Variants in DMPK observed in about 807,000 individuals in gnomAD.
DMPK encodes DM1 protein kinase.
A neutral mutation model predicts 70.3 loss-of-function variants in DMPK; 32 were observed. The observed-to-expected ratio is 0.46, with a 90% confidence interval of 0.34 to 0.61. The LOEUF (loss-of-function observed/expected upper bound fraction) is 0.61, where lower values mean the gene tolerates loss of function less well. Ranked by LOEUF, DMPK falls within the 20% of genes least tolerant of loss-of-function variation. The pLI is 0.01. For synonymous variants in DMPK, 469 were observed against 390.9 expected (o/e 1.20, Z -2.36); for missense variants, 899 against 886.0 (o/e 1.01, Z -0.19).
chr19:45,770,660 T>G lies in DMPK; in HGVS notation c.1738-20A>C, dbSNP rs1303345334. 6.5e-7 allele frequency: 1 copy of G among 1,548,642 alleles called. No homozygotes were observed. Among genetic ancestry groups the G allele is most frequent in the Non-Finnish European group, 8.7e-7 (1 of 1,145,716 alleles). ...AGGGACCTGCGGGGAGAGGGCGAGG[T>G]CAACACCCGGCATGGGCCTCTGATT... is the stretch of plus-strand genomic sequence containing the variant. On this transcript the variant is annotated intron_variant, in intron 14 of 14. Coordinates refer to ENST00000291270, the MANE Select transcript of DMPK (RefSeq NM_004409.5).
chr19:45,779,674 C>T, intron 2 of DMPK, 104 bp downstream of exon 2: 2 of 1,544,842 alleles, frequency 1.3e-6, no homozygotes, highest in Non-Finnish European at 1.7e-6. Context: ...CAGCCCAGCC[C>T]TAGGTTCTAA....
rs773315981 is a variant in DMPK, at chr19:45,771,372, C to T, written c.1625G>A (p.Arg542Gln). The T allele has an allele frequency of 4.4e-5, 71 of 1,602,836 alleles. No individual in the cohort carries two copies. The highest frequency in any genetic ancestry group is 5.5e-5 in the Non-Finnish European group (65 of 1,176,506). Residue 542 changes from arginine to glutamine, a missense_variant, in exon 13 of 15, where the codon CGG (arginine) becomes CAG (glutamine). Around this residue, in one of 3 missense-constraint regions of DMPK, gnomAD observed 555 missense variants for 483.8 expected, o/e 1.15. Transcript: ENST00000291270. ...TACATGGGAAGGTGGATCCGTGGCC[C>T]GGGGACTGGGGACCCCCGTGACAGC... ...ATAVTGVPSP[R>Q]ATDPPSHLDG...
At position 45,772,737 on chromosome 19, in the gene DMPK, T is replaced by C. The variant is rs1969541420; in HGVS notation, c.1248A>G (p.Pro416=). The part of the protein sequence containing the change: ...SCMALRDSEV[P]GPTPMELEAE... ...CCTCCAGTTCCATGGGTGTGGGGCC[T>C]GGGACCTCACTGTCCCTGGGGAGAG... Residue 416 remains proline, a synonymous_variant, in exon 10 of 15, where the codon CCA becomes CCG. Coordinates refer to ENST00000291270, the MANE Select transcript of DMPK (RefSeq NM_004409.5). The C allele has an allele frequency of 1.3e-6, 2 of 1,501,814 alleles. No homozygotes were observed. The highest frequency in any genetic ancestry group is 1.8e-6 in the Non-Finnish European group (2 of 1,135,894). 93.0% of individuals were successfully genotyped at this position (1,501,814 alleles called of 1,614,324 possible). A position where few individuals can be genotyped will look rare whatever the true frequency, so the allele number is the denominator to read the frequency against.
chr19:45,770,445 C>CA lies in DMPK; in HGVS notation c.*42dup, dbSNP rs1491215528. ...GCTTCTGTGCCGTGCCCCGGGCACT[C>CA]AGTCTTCCAACGGGGCCCCGGAGTC... is the stretch of plus-strand genomic sequence containing the variant. On this transcript the variant is annotated 3_prime_UTR_variant, in exon 15 of 15. Transcript: ENST00000291270. The CA allele has an allele frequency of 7.1e-5, 110 of 1,547,776 alleles. No homozygotes were observed. Among genetic ancestry groups the CA allele is most frequent in the Non-Finnish European group, 9.0e-5 (103 of 1,145,954 alleles).
In DMPK at chr19:45,779,252, C is replaced by T. The variant is rs758041683; in HGVS notation, c.432+12G>A. The T allele has an allele frequency of 3.1e-6, 5 of 1,613,468 alleles. No homozygotes were observed. The African/African-American group carries it at 6.7e-5, about 22-fold the overall frequency. ...TTGTCCCTCTTCCTAGTCACCCCGGCCCGGAGCTCACCAGGTAGTTCTCAT... is the reference window on the plus strand; with the variant it reads ...TTGTCCCTCTTCCTAGTCACCCCGGTCCGGAGCTCACCAGGTAGTTCTCAT... On this transcript the variant is annotated intron_variant, in intron 4 of 14. Transcript: ENST00000291270.
At position 45,780,425 on chromosome 19, in the gene DMPK, C is replaced by T. The variant is rs758981137; in HGVS notation, c.161-556G>A. 12 of 1,349,106 alleles carry T rather than the reference C, an allele frequency of 8.9e-6. No homozygotes were observed. The Admixed American group carries it at 2.1e-4, about 24-fold the overall frequency. The allele number at this position is 1,349,106 out of a possible 1,614,324, so 83.6% of individuals were successfully genotyped here. A position where few individuals can be genotyped will look rare whatever the true frequency, so the allele number is the denominator to read the frequency against. ...CAGGGAGACAAAGGTAGCATGGTCA[C>T]ATATCCCAGACTCAAGTGCTCCGGT... is the stretch of plus-strand genomic sequence containing the variant. On this transcript the variant is annotated intron_variant, in intron 1 of 14. Transcript: ENST00000291270.
chr19:45,770,405 C>A lies in DMPK; in HGVS notation c.*83G>T, dbSNP rs1346616361. 3.4e-5 allele frequency: 51 copies of A among 1,495,596 alleles called. No homozygotes were observed. The highest frequency in any genetic ancestry group is 4.0e-5 in the Non-Finnish European group (44 of 1,099,444). 92.6% of individuals were successfully genotyped at this position (1,495,596 alleles called of 1,614,324 possible). A position where few individuals can be genotyped will look rare whatever the true frequency, so the allele number is the denominator to read the frequency against. On this transcript the variant is annotated 3_prime_UTR_variant, in exon 15 of 15. Coordinates refer to ENST00000291270, the MANE Select transcript of DMPK (RefSeq NM_004409.5). ...CACGCTCGGAGCGGTTGTGAACTGG[C>A]AGGCGGTGGGCGCGGCTTCTGTGCC...
At position 45,770,433 on chromosome 19, in the gene DMPK, G is replaced by A. The variant is rs980921295; in HGVS notation, c.*55C>T. ...GCGGTGGGCGCGGCTTCTGTGCCGT[G>A]CCCCGGGCACTCAGTCTTCCAACGG... On this transcript the variant is annotated 3_prime_UTR_variant, in exon 15 of 15. Transcript: ENST00000291270. 3.2e-6 allele frequency: 5 copies of A among 1,541,932 alleles called. No individual in the cohort carries two copies. In the Admixed American group the frequency reaches 7.8e-5, roughly 24 times the overall value.
Position 45,777,034 on chromosome 19 carries a change from C to A in DMPK, c.1146+293G>T. 1 of 368,332 alleles carries A rather than the reference C, an allele frequency of 2.7e-6. No individual in the cohort carries two copies. The highest frequency in any genetic ancestry group is 4.2e-5 in the Admixed American group (1 of 23,792). The allele number at this position is 368,332 out of a possible 1,614,324, so 22.8% of individuals were successfully genotyped here. Reference sequence around the variant, plus strand: ...GTCTCAGCTCAGATAGCTCCCCACTCCAGAAAGCCCTCCAGGACCTTCCTT... The same window carrying A: ...GTCTCAGCTCAGATAGCTCCCCACTACAGAAAGCCCTCCAGGACCTTCCTT... On this transcript the variant is annotated intron_variant, in intron 8 of 14. Coordinates refer to ENST00000291270, the MANE Select transcript of DMPK (RefSeq NM_004409.5). The surrounding 1 kb of genome is among the most constrained non-coding windows in gnomAD (Gnocchi z 6.7).
chr19:45,779,665 A>G, intron 2 of DMPK, 113 bp downstream of exon 2: 2 of 1,550,338 alleles, frequency 1.3e-6, no homozygotes, highest in Non-Finnish European at 1.7e-6. Context: ...CCCCGCCTCC[A>G]GCCCAGCCCT....
At chr19:45,774,245 C>T (rs1001277241) in intron 9 of DMPK, among the ~76,000 whole-genome samples, 41 of 150,034 alleles carry the variant, frequency 2.7e-4, no homozygotes, top group African/African-American at 9.1e-4. Flanking sequence ...AGCCACCACA[C>T]CCGGCCTAAA....
chr19:45,782,411 C>T lies in DMPK; in HGVS notation c.-59G>A. On this transcript the variant is annotated 5_prime_UTR_variant, in exon 1 of 15. The change creates a new upstream start codon in the 5' untranslated region. Transcript: ENST00000291270. Reference sequence around the variant, plus strand: ...CCGGGGGCTCGGGGTCCTCCTGTCACAGGGCCTGGCAGCCCCTGTCCAGGC... The same window carrying T: ...CCGGGGGCTCGGGGTCCTCCTGTCATAGGGCCTGGCAGCCCCTGTCCAGGC... 6.8e-7 allele frequency: 1 copy of T among 1,468,272 alleles called. No homozygotes were observed. Among genetic ancestry groups the T allele is most frequent in the Non-Finnish European group, 9.0e-7 (1 of 1,111,348 alleles). 91.0% of individuals were successfully genotyped at this position (1,468,272 alleles called of 1,614,324 possible).
rs535793935 is a variant in DMPK at position 45,774,778 on chromosome 19, A to T, written c.1232+171T>A. Among the ~76,000 whole-genome samples the T allele has an allele frequency of 2.0e-5, 3 of 152,352 alleles. No individual in the cohort carries two copies. In the East Asian group the frequency reaches 5.8e-4, roughly 29 times the overall value. On this transcript the variant is annotated intron_variant, in intron 9 of 14. Transcript: ENST00000291270. ...AAAATTCAATCTAACATTTTGAAGT[A>T]CATAGATCTGAAAATTTAAGGTCCT...
chr19:45,779,991 G>A, intron 1 of DMPK, 122 bp from the exon 2 acceptor site: 4 of 1,563,420 alleles, frequency 2.6e-6, no homozygotes, highest in South Asian at 1.2e-5. Flanking sequence ...CCCTAGGACT[G>A]TCTGCTTCCC....
intron 5 of DMPK, 57 bp from the exon 6 acceptor site, chr19:45,778,277 C>A: frequency 6.5e-7 from 1 of 1,527,094 alleles, no homozygotes; most frequent in Admixed American, 1.8e-5. Context: ...GTGGTCCCAC[C>A]AGGCTCCGCC....
Position 45,777,894 on chromosome 19 carries a change from C to A in DMPK, c.676-21G>T. 1 of 1,592,486 alleles carries A rather than the reference C, an allele frequency of 6.3e-7. No individual in the cohort carries two copies. Among genetic ancestry groups the A allele is most frequent in the Non-Finnish European group, 8.5e-7 (1 of 1,172,222 alleles). ...CGCACCTGGACCAAAAGGAGCAGAG[C>A]GAGGCTTGGGCCCACCCCTCTGGGC... is the stretch of plus-strand genomic sequence containing the variant. On this transcript the variant is annotated intron_variant, in intron 6 of 14. Coordinates refer to ENST00000291270, the MANE Select transcript of DMPK (RefSeq NM_004409.5). The surrounding 1 kb of genome is among the most constrained non-coding windows in gnomAD (Gnocchi z 6.7).
chr19:45,779,862 G>A lies in DMPK; in HGVS notation c.168C>T (p.Pro56=). 2 of 1,612,962 alleles carry A rather than the reference G, an allele frequency of 1.2e-6. No individual in the cohort carries two copies. Among genetic ancestry groups the A allele is most frequent in the African/African-American group, 2.7e-5 (2 of 75,044 alleles). Residue 56 remains proline, a synonymous_variant, in exon 2 of 15, where the codon CCC becomes CCT. Transcript: ENST00000291270. ...YVADFLQWAE[P]IVVRLKEVRL... ...GGACCTCCTTAAGCCTCACCACGAT[G>A]GGCTCCGCTGGGGGGGTGGTGGGGG...
rs540487664 is a variant in DMPK, at chr19:45,778,698, G to C, written c.433-57C>G. On this transcript the variant is annotated intron_variant, in intron 4 of 14. Coordinates refer to ENST00000291270, the MANE Select transcript of DMPK (RefSeq NM_004409.5). ...GTCCCCTGAGGCCCTGATCCATCAC[G>C]GATGGCTGGGACAACCCCTCCCAGA... 9.0e-6 allele frequency: 14 copies of C among 1,561,648 alleles called. No individual in the cohort carries two copies. The South Asian group carries it at 1.5e-4, about 17-fold the overall frequency.
chr19:45,780,109 A>G, intron 1 of DMPK: 1 of 1,461,612 alleles, frequency 6.8e-7, no homozygotes. Context: ...ATTGGCCCAG[A>G]GGGCTCCAAG....
Sources: gnomAD v4.1 joint callset for allele counts (sites outside exome capture counted in the v4.1 genomes callset) on GRCh38, gnomAD v4.1.1 for gene constraint, gnomAD v4.1.1 regional missense constraint, Gnocchi (gnomAD v3.1) non-coding constraint, MANE v1.5 for transcripts, NCBI Gene and HGNC (gene_info 2026-07-23, HGNC 2026-07-21) for gene names.